The following CNTN5 variants were observed in gnomAD, a reference collection of about 807,000 sequenced individuals.
The protein encoded by CNTN5 is contactin-5.
In CNTN5, 77 loss-of-function variants were observed where a neutral mutation model predicts 129.1. The ratio of observed to expected loss-of-function variants is 0.60; its 90% confidence interval spans 0.50 to 0.72. CNTN5 has a LOEUF of 0.72. Ranked by LOEUF, CNTN5 falls within the 30% of genes least tolerant of loss-of-function variation. The pLI is 0.00. For synonymous variants in CNTN5, 509 were observed against 465.6 expected, an observed-to-expected ratio of 1.09 and a Z score of -1.20; for missense variants, 1,478 against 1,328.8, an observed-to-expected ratio of 1.11 and a Z score of -1.75.
rs191373337 is a variant in CNTN5, at chr11:99,914,496, T to A, written c.578-1558T>A. Among the ~76,000 whole-genome samples the A allele has an allele frequency of 2.4e-3, 363 of 152,244 alleles. 2 individuals are homozygous for A. The highest frequency in any genetic ancestry group is 8.3e-3 in the African/African-American group (345 of 41,566). On this transcript the variant is annotated intron_variant, in intron 6 of 24. Coordinates refer to ENST00000524871, the MANE Select transcript of CNTN5 (RefSeq NM_014361.4). ...TATGAAATTCAAAAAGAGACAAGCA[T>A]AATATTTGGTAATAGAAATCAGAGC...
At position 99,943,753 on chromosome 11, in the gene CNTN5, G is replaced by A. The variant is rs549764108; in HGVS notation, c.674-13053G>A. On this transcript the variant is annotated intron_variant, in intron 7 of 24. Coordinates refer to ENST00000524871, the MANE Select transcript of CNTN5 (RefSeq NM_014361.4). ...GTCCAGTTTCTGTTTTCTGCATATC[G>A]CTACCCAGTTTTCCCACCATCATCT... Among the ~76,000 whole-genome samples, 10 of 152,010 alleles carry A rather than the reference G, an allele frequency of 6.6e-5. 1 individual carries two copies. The highest frequency in any genetic ancestry group is 1.3e-4 in the Admixed American group (2 of 15,232).
intron 13 of CNTN5, among the ~76,000 whole-genome samples, chr11:100,113,132 G>A (rs1945710500): frequency 6.6e-6 from 1 of 151,810 alleles, no homozygotes; most frequent in African/African-American, 2.4e-5. Context: ...ATATTGCTGT[G>A]ATCAGACAAC....
At chr11:99,144,587 C>T (rs1472841310) in intron 1 of CNTN5, among the ~76,000 whole-genome samples, 1 of 152,088 alleles carries the variant, frequency 6.6e-6, no homozygotes, top group Non-Finnish European at 1.5e-5. Context: ...TTGGTGGTGT[C>T]CTATATGTCA....
intron 15 of CNTN5, among the ~76,000 whole-genome samples, chr11:100,195,464 ATTC>A (rs1948614143): frequency 6.6e-6 from 1 of 151,638 alleles, no homozygotes; most frequent in African/African-American, 2.4e-5. Flanking sequence ...CATCTGCTGT[ATTC>A]TTCTTTGCAT....
intron 3 of CNTN5, among the ~76,000 whole-genome samples, chr11:99,705,754 G>A (rs1954727660): frequency 6.6e-6 from 1 of 151,394 alleles, no homozygotes; most frequent in African/African-American, 2.4e-5. Context: ...AGGAGCAGGG[G>A]CGATGGGTTT....
chr11:99,919,097 A>G (rs1949868834), intron 7 of CNTN5, among the ~76,000 whole-genome samples: 1 of 152,132 alleles, frequency 6.6e-6, no homozygotes. Context: ...TGCTCTCATG[A>G]CCAGACTTGG....
chr11:99,635,882 C>T (rs536885341), intron 3 of CNTN5, among the ~76,000 whole-genome samples: 2 of 152,186 alleles, frequency 1.3e-5, no homozygotes, highest in Non-Finnish European at 1.5e-5. Flanking sequence ...AAAAATTTCC[C>T]AAGTGGTGCA....
intron 1 of CNTN5, among the ~76,000 whole-genome samples, chr11:99,136,023 C>T (rs1859200958): frequency 6.6e-6 from 1 of 152,162 alleles, no homozygotes; most frequent in Non-Finnish European, 1.5e-5. Context: ...AGCATACTGA[C>T]AGCTGTATGT....
intron 2 of CNTN5, among the ~76,000 whole-genome samples, chr11:99,483,374 A>C (rs1307752135): frequency 6.6e-6 from 1 of 152,002 alleles, no homozygotes; most frequent in South Asian, 2.1e-4. Context: ...CAGTGTCAAC[A>C]ATGTGTTTAC....
chr11:99,557,479 T>C (rs1948710662), intron 3 of CNTN5, among the ~76,000 whole-genome samples: 1 of 151,412 alleles, frequency 6.6e-6, no homozygotes, highest in African/African-American at 2.4e-5. Context: ...CATTCTCCTG[T>C]CAATTAAGTC....
chr11:99,999,756 C>G (rs1328307800), intron 8 of CNTN5, among the ~76,000 whole-genome samples: 1 of 151,934 alleles, frequency 6.6e-6, no homozygotes, highest in Admixed American at 6.6e-5. Flanking sequence ...TGGAACCAAC[C>G]CAAATGTCCA....
chr11:100,221,424 G>A (rs554802419), intron 15 of CNTN5, among the ~76,000 whole-genome samples: 1 of 152,304 alleles, frequency 6.6e-6, no homozygotes. Context: ...GAATATAATT[G>A]GCAGTCTTAC....
chr11:100,004,241 T>C (rs2137487436), intron 9 of CNTN5, among the ~76,000 whole-genome samples: 1 of 152,272 alleles, frequency 6.6e-6, no homozygotes, highest in Non-Finnish European at 1.5e-5. Flanking sequence ...CACTGTGTCC[T>C]AACCAAACAT....
chr11:99,435,568 G>A (rs540883659), intron 2 of CNTN5, among the ~76,000 whole-genome samples: 1 of 152,314 alleles, frequency 6.6e-6, no homozygotes, highest in East Asian at 1.9e-4. Context: ...CTACTTAACA[G>A]CAAATGGGGC....
chr11:100,239,811 A>G (rs1013999682), intron 16 of CNTN5, among the ~76,000 whole-genome samples: 3 of 152,236 alleles, frequency 2.0e-5, no homozygotes, highest in Non-Finnish European at 2.9e-5. Context: ...GGGTAATTAT[A>G]CTGAAGTGTC....
chr11:100,228,211 T>C (rs964999631), intron 16 of CNTN5, among the ~76,000 whole-genome samples: 2 of 152,180 alleles, frequency 1.3e-5, no homozygotes, highest in African/African-American at 2.4e-5. Context: ...TTGGGAATAG[T>C]CAAAGAATAA....
chr11:99,466,197 C>T (rs1944935342), intron 2 of CNTN5, among the ~76,000 whole-genome samples: 1 of 151,816 alleles, frequency 6.6e-6, no homozygotes, highest in Admixed American at 6.6e-5. Flanking sequence ...CACTTTTAAA[C>T]AACCATATCA....
chr11:100,008,985 A>T (rs1168373887), intron 9 of CNTN5, among the ~76,000 whole-genome samples: 1 of 152,152 alleles, frequency 6.6e-6, no homozygotes, highest in Admixed American at 6.6e-5. Context: ...TAGTGCAGCT[A>T]TAATGCACAG....
intron 21 of CNTN5, among the ~76,000 whole-genome samples, chr11:100,318,439 T>G (rs974378101): frequency 6.6e-6 from 1 of 152,020 alleles, no homozygotes; most frequent in Non-Finnish European, 1.5e-5. Flanking sequence ...AAATATGAAA[T>G]CACAAATGTA....
Sources: allele counts gnomAD v4.1 joint callset (sites outside exome capture counted in the v4.1 genomes callset), GRCh38; gene constraint gnomAD v4.1.1; transcripts MANE v1.5; gene names NCBI Gene and HGNC (gene_info 2026-07-23, HGNC 2026-07-21).